The following PGCKA1 variants were observed in gnomAD, a reference collection of about 807,000 sequenced individuals.
The protein encoded by PGCKA1 is PDCD10 and GCKIII kinases-associated protein 1.
At chr4:37,590,667 G>A in the PGCKA1 span, 2 of 1,614,078 alleles carry the variant, frequency 1.2e-6, no homozygotes, top group Non-Finnish European at 1.7e-6. Context: ...ATAATGAAAA[G>A]GACTGTGTTT....
chr4:37,461,345 T>C, the PGCKA1 span, among the ~76,000 whole-genome samples: 3 of 152,074 alleles, frequency 2.0e-5, no homozygotes, highest in African/African-American at 7.3e-5. Context: ...TTTTTTCTAA[T>C]TTTGTGAATA....
At chr4:37,474,978 C>A in the PGCKA1 span, among the ~76,000 whole-genome samples, 1 of 152,074 alleles carries the variant, frequency 6.6e-6, no homozygotes, top group Non-Finnish European at 1.5e-5. Flanking sequence ...TAAAAGACTT[C>A]ACATTTTCAG....
At chr4:37,580,872 G>A in the PGCKA1 span, among the ~76,000 whole-genome samples, 1 of 152,188 alleles carries the variant, frequency 6.6e-6, no homozygotes, top group African/African-American at 2.4e-5. Context: ...CTAAGTGGGA[G>A]CTAGGGACTG....
the PGCKA1 span, among the ~76,000 whole-genome samples, chr4:37,529,309 C>G: frequency 2.6e-5 from 4 of 152,102 alleles, no homozygotes; most frequent in African/African-American, 9.7e-5. Context: ...AAATTATAAG[C>G]TAGTAAATCT....
the PGCKA1 span, among the ~76,000 whole-genome samples, chr4:37,496,659 C>A: frequency 6.6e-6 from 1 of 152,124 alleles, no homozygotes; most frequent in Admixed American, 6.5e-5. Context: ...GGTAGTTTGA[C>A]AGGAATAGCA....
the PGCKA1 span, among the ~76,000 whole-genome samples, chr4:37,573,270 C>T: frequency 6.6e-6 from 1 of 152,118 alleles, no homozygotes; most frequent in Non-Finnish European, 1.5e-5. Context: ...TCATTTGTAC[C>T]AGATATTGTG....
At chr4:37,564,619 G>C in the PGCKA1 span, among the ~76,000 whole-genome samples, 5 of 152,038 alleles carry the variant, frequency 3.3e-5, no homozygotes, top group African/African-American at 1.2e-4. Flanking sequence ...TGATTCTCCT[G>C]CCTCAGCCTC....
the PGCKA1 span, among the ~76,000 whole-genome samples, chr4:37,481,380 G>A: frequency 2.8e-5 from 4 of 144,998 alleles, no homozygotes; most frequent in Non-Finnish European, 3.0e-5. Context: ...CAGGAGAATC[G>A]CTTGAACCCA....
the PGCKA1 span, among the ~76,000 whole-genome samples, chr4:37,526,151 A>ATTGGTG: frequency 6.6e-6 from 1 of 152,222 alleles, no homozygotes; most frequent in East Asian, 1.9e-4. Flanking sequence ...TTACTATCGC[A>ATTGGTG]CTAGAATTCA....
chr4:37,476,533 A>C, the PGCKA1 span, among the ~76,000 whole-genome samples: 1 of 152,176 alleles, frequency 6.6e-6, no homozygotes, highest in Non-Finnish European at 1.5e-5. Context: ...GTAGCTGTTG[A>C]AACAGGATAA....
At chr4:37,457,974 A>C in the PGCKA1 span, among the ~76,000 whole-genome samples, 1 of 152,246 alleles carries the variant, frequency 6.6e-6, no homozygotes, top group African/African-American at 2.4e-5. Context: ...GTCTGTGATT[A>C]AACCCTAAGT....
chr4:37,457,668 G>T, the PGCKA1 span, among the ~76,000 whole-genome samples: 1 of 152,148 alleles, frequency 6.6e-6, no homozygotes, highest in East Asian at 1.9e-4. Context: ...AAATAGTACT[G>T]CTTTTATTTG....
At chr4:37,534,585 A>G in the PGCKA1 span, among the ~76,000 whole-genome samples, 1 of 152,212 alleles carries the variant, frequency 6.6e-6, no homozygotes, top group African/African-American at 2.4e-5. Flanking sequence ...ATTTATAAAT[A>G]ATAGAAATTT....
the PGCKA1 span, among the ~76,000 whole-genome samples, chr4:37,534,547 G>A: frequency 3.9e-5 from 6 of 152,190 alleles, no homozygotes; most frequent in African/African-American, 1.4e-4. Flanking sequence ...CTTTTGGGTT[G>A]CTATAACAAA....
the PGCKA1 span, among the ~76,000 whole-genome samples, chr4:37,461,822 G>T: frequency 6.6e-6 from 1 of 151,926 alleles, no homozygotes; most frequent in South Asian, 2.1e-4. Flanking sequence ...AGAGAACTCA[G>T]ACCAAGGAAA....
At chr4:37,457,802 T>C in the PGCKA1 span, among the ~76,000 whole-genome samples, 2 of 152,216 alleles carry the variant, frequency 1.3e-5, no homozygotes, top group Non-Finnish European at 2.9e-5. Flanking sequence ...CCACTAGAAC[T>C]TATTTGGCAT....
At chr4:37,477,314 G>T in the PGCKA1 span, among the ~76,000 whole-genome samples, 11 of 152,314 alleles carry the variant, frequency 7.2e-5, no homozygotes, top group African/African-American at 2.6e-4. Flanking sequence ...CATATTGTAT[G>T]ATTCCATTTA....
At chr4:37,546,185 G>A in the PGCKA1 span, among the ~76,000 whole-genome samples, 2 of 152,144 alleles carry the variant, frequency 1.3e-5, no homozygotes, top group African/African-American at 4.8e-5. Flanking sequence ...TCTGAAAAAG[G>A]TACTGAGGGA....
At chr4:37,523,095 A>G in the PGCKA1 span, among the ~76,000 whole-genome samples, 1 of 152,254 alleles carries the variant, frequency 6.6e-6, no homozygotes. Flanking sequence ...TTTCAAGTTT[A>G]CTGGGAGACA....
Sources: gnomAD v4.1 joint callset for allele counts (sites outside exome capture counted in the v4.1 genomes callset) on GRCh38, gnomAD v4.1.1 for gene constraint, MANE v1.5 for transcripts, NCBI Gene and HGNC (gene_info 2026-07-23, HGNC 2026-07-21) for gene names.